Variants in FAAH2 observed in about 807,000 individuals in gnomAD.
FAAH2 encodes the protein fatty acid amide hydrolase 2, also known as fatty-acid amide hydrolase 2.
In FAAH2, 60 loss-of-function variants were observed where a neutral mutation model predicts 36.9. The ratio of observed to expected loss-of-function variants is 1.63; its 90% CI spans 1.32 to 2.02. FAAH2 has a LOEUF of 2.02. Among genes scored for constraint, FAAH2 ranks in the 30% most tolerant of loss-of-function variants. FAAH2 has a pLI of 0.00. For synonymous variants in FAAH2, 214 were observed against 143.8 expected, an observed-to-expected ratio of 1.49 and a Z score of -3.49; for missense variants, 689 against 397.5, an observed-to-expected ratio of 1.73 and a Z score of -6.23.
intron 3 of FAAH2, among the ~76,000 whole-genome samples, chrX:57,324,256 T>A (rs1268596832): frequency 8.9e-6 from 1 of 112,129 alleles, no homozygotes; most frequent in Non-Finnish European, 1.9e-5. Flanking sequence ...TTTAGTATAG[T>A]TTGAAGTCAG....
the FAAH2 span, among the ~76,000 whole-genome samples, chrX:57,266,200 G>T: frequency 8.9e-6 from 1 of 111,807 alleles, no homozygotes; most frequent in Admixed American, 9.4e-5. Context: ...TCCTACAGGT[G>T]TGTTCGGGCT....
At chrX:57,400,887 C>T (rs1453989535) in intron 7 of FAAH2, among the ~76,000 whole-genome samples, 1 of 111,956 alleles carries the variant, frequency 8.9e-6, no homozygotes, top group Non-Finnish European at 1.9e-5. Context: ...CCCTGAGAGG[C>T]TGAGGCGGGC....
chrX:57,266,568 G>A, the FAAH2 span, among the ~76,000 whole-genome samples: 2 of 112,466 alleles, frequency 1.8e-5, no homozygotes, highest in East Asian at 5.7e-4. Context: ...TATAAAAAGA[G>A]CAAAGACCTT....
At chrX:57,394,167 C>T (rs1053318354) in intron 7 of FAAH2, 15 of 648,290 alleles carry the variant, frequency 2.3e-5, no homozygotes, top group Middle Eastern at 3.1e-4. Context: ...GAGTAGCCGC[C>T]TCCTGCAACA....
intron 7 of FAAH2, among the ~76,000 whole-genome samples, chrX:57,425,353 A>C (rs1253422848): frequency 1.8e-5 from 2 of 111,707 alleles, no homozygotes; most frequent in Non-Finnish European, 3.8e-5. Flanking sequence ...AGATATCCAG[A>C]TACAAGAGAC....
intron 7 of FAAH2, among the ~76,000 whole-genome samples, chrX:57,424,081 T>C (rs763846422): frequency 8.9e-6 from 1 of 111,887 alleles, no homozygotes; most frequent in South Asian, 3.8e-4. Flanking sequence ...TTGAACCCAC[T>C]TACCCACCTG....
At chrX:57,394,601 A>T (rs1320334686) in intron 7 of FAAH2, 10 of 1,163,075 alleles carry the variant, frequency 8.6e-6, no homozygotes, top group African/African-American at 1.8e-5. Context: ...CTGCATGAGC[A>T]TTGCAACCGT....
At chrX:57,216,753 T>C in the FAAH2 span, among the ~76,000 whole-genome samples, 11 of 101,614 alleles carry the variant, frequency 1.1e-4, no homozygotes, top group African/African-American at 3.8e-4. Context: ...AGTATCTTTT[T>C]CGAATAATAA....
chrX:57,323,695 T>TG (rs2053110656), intron 3 of FAAH2, among the ~76,000 whole-genome samples: 1 of 105,257 alleles, frequency 9.5e-6, no homozygotes, highest in Non-Finnish European at 2.0e-5. Context: ...TTTTTTTTTT[T>TG]TTTTTTGTAA....
chrX:57,280,360 T>C, the FAAH2 span, among the ~76,000 whole-genome samples: 3 of 111,083 alleles, frequency 2.7e-5, no homozygotes, highest in Non-Finnish European at 5.7e-5. Flanking sequence ...TAAAAAACCT[T>C]AATATCAAGC....
At chrX:57,422,368 G>A (rs1289772158) in intron 7 of FAAH2, among the ~76,000 whole-genome samples, 1 of 111,860 alleles carries the variant, frequency 8.9e-6, no homozygotes, top group Admixed American at 9.5e-5. Context: ...TACTGATTTT[G>A]GTTTACTATT....
chrX:57,306,925 AGTGTG>A (rs1299723078), intron 2 of FAAH2, among the ~76,000 whole-genome samples: 1 of 85,012 alleles, frequency 1.2e-5, no homozygotes, highest in East Asian at 3.7e-4. Context: ...TAGTATATAT[AGTGTG>A]TATATATACT....
At chrX:57,458,451 C>T (rs1457651087) in intron 10 of FAAH2, among the ~76,000 whole-genome samples, 1 of 110,573 alleles carries the variant, frequency 9.0e-6, no homozygotes, top group Non-Finnish European at 1.9e-5. Context: ...CGAGATGGCA[C>T]CACTGCACTC....
At chrX:57,460,676 G>A (rs770629599) in intron 10 of FAAH2, among the ~76,000 whole-genome samples, 1 of 111,639 alleles carries the variant, frequency 9.0e-6, no homozygotes, top group Admixed American at 9.5e-5. Flanking sequence ...AGGAAAAACT[G>A]GTACTAGCCA....
intron 5 of FAAH2, among the ~76,000 whole-genome samples, chrX:57,361,795 G>A (rs1255616486): frequency 9.0e-6 from 1 of 111,571 alleles, no homozygotes; most frequent in Non-Finnish European, 1.9e-5. Flanking sequence ...CTCTCAGATT[G>A]AACAATTCCC....
chrX:57,207,925 C>T, the FAAH2 span, among the ~76,000 whole-genome samples: 1 of 112,852 alleles, frequency 8.9e-6, no homozygotes, highest in Non-Finnish European at 1.9e-5. Flanking sequence ...GGAAATGCCC[C>T]TGTTTGGAAT....
intron 7 of FAAH2, among the ~76,000 whole-genome samples, chrX:57,420,020 G>A (rs1187913995): frequency 9.0e-6 from 1 of 111,712 alleles, no homozygotes; most frequent in Non-Finnish European, 1.9e-5. Flanking sequence ...TCAAAGATCA[G>A]ATAGTTGTAG....
chrX:57,331,655 C>T lies in FAAH2; in HGVS notation c.470C>T (p.Ala157Val). The change falls in exon 4 of 11, where the codon GCC becomes GTC. Residue 157 changes from alanine (A) to valine (V), a missense_variant. Physicochemically the swap from Ala to Val is moderately conservative, Grantham distance 64. Transcript: ENST00000374900. ...NRRDAIAKTDATVVALLKGAG... is the reference protein window; with the variant it reads ...NRRDAIAKTDVTVVALLKGAG... ...CGTGATGCCATTGCCAAAACAGATG[C>T]CACTGTGGTGGCATTACTGAAGGGA... The T allele has an allele frequency of 3.3e-6, 4 of 1,211,747 alleles. No homozygotes were observed. Among genetic ancestry groups the T allele is most frequent in the Admixed American group, 2.2e-5 (1 of 46,035 alleles).
intron 8 of FAAH2, among the ~76,000 whole-genome samples, chrX:57,443,537 T>C (rs2056609204): frequency 8.9e-6 from 1 of 111,951 alleles, no homozygotes; most frequent in Non-Finnish European, 1.9e-5. Context: ...TTTTAACTTC[T>C]TTGTGACGCG....
Sources: gnomAD v4.1 joint callset for allele counts (sites outside exome capture counted in the v4.1 genomes callset) on GRCh38, gnomAD v4.1.1 for gene constraint, MANE v1.5 for transcripts, NCBI Gene and HGNC (gene_info 2026-07-23, HGNC 2026-07-21) for gene names.